Variants in SPEF2 observed in about 807,000 individuals in gnomAD.
SPEF2 encodes the protein sperm flagellar and cilia associated 2.
Under a neutral mutation model 224.6 loss-of-function variants are expected in SPEF2, and 187 were observed. The ratio of observed to expected loss-of-function variants is 0.83; its 90% CI spans 0.74 to 0.94. SPEF2 has a LOEUF of 0.94. Ranked by LOEUF, SPEF2 falls within the 40% of genes least tolerant of loss-of-function variation. The pLI, the probability that SPEF2 is intolerant of heterozygous loss-of-function variation, is 0.00. For synonymous variants in SPEF2, 715 were observed against 707.3 expected (o/e 1.01, Z -0.17); for missense variants, 2,170 against 2,135.6 (o/e 1.02, Z -0.32).
At chr5:35,687,547 G>A (rs1753816313) in intron 10 of SPEF2, among the ~76,000 whole-genome samples, 1 of 151,928 alleles carries the variant, frequency 6.6e-6, no homozygotes, top group Admixed American at 6.6e-5. Flanking sequence ...AGTAGAGACA[G>A]GGTTTCACCA....
intron 10 of SPEF2, among the ~76,000 whole-genome samples, chr5:35,677,296 T>C (rs938537202): frequency 1.3e-5 from 2 of 152,178 alleles, no homozygotes; most frequent in African/African-American, 4.8e-5. Flanking sequence ...GAAATTACTA[T>C]AAAAGTGATC....
intron 26 of SPEF2, among the ~76,000 whole-genome samples, chr5:35,765,151 T>TA (rs537835387): frequency 1.3e-5 from 2 of 152,190 alleles, no homozygotes; most frequent in Non-Finnish European, 2.9e-5. Context: ...CCCAAGTCTA[T>TA]AGCTCTAAAC....
At chr5:35,643,099 G>T (rs554915615) in intron 3 of SPEF2, among the ~76,000 whole-genome samples, 16 of 152,282 alleles carry the variant, frequency 1.1e-4, no homozygotes, top group Non-Finnish European at 1.9e-4. Flanking sequence ...AACTGGAGTG[G>T]AGTTTATATA....
At position 35,687,590 on chromosome 5, in the gene SPEF2, C is replaced by T. The variant is rs143382143; in HGVS notation, c.1525-3447C>T. On this transcript the variant is annotated intron_variant, in intron 10 of 36. Transcript: ENST00000356031. Reference sequence around the variant, plus strand: ...CAGGCTGGTTTCGAACTCCTGACCTCGTGATCTGCCCACCTCGGTCTCCCA... The same window carrying T: ...CAGGCTGGTTTCGAACTCCTGACCTTGTGATCTGCCCACCTCGGTCTCCCA... Among the ~76,000 whole-genome samples the T allele has an allele frequency of 4.7e-3, 709 of 152,160 alleles. 6 individuals carry two copies. Among genetic ancestry groups the T allele is most frequent in the Non-Finnish European group, 7.4e-3 (504 of 67,980 alleles).
At chr5:35,713,495 G>A (rs1378943701) in intron 20 of SPEF2, among the ~76,000 whole-genome samples, 1 of 151,602 alleles carries the variant, frequency 6.6e-6, no homozygotes, top group Non-Finnish European at 1.5e-5. Flanking sequence ...CATCAGTTTG[G>A]GAGGCTGAGG....
At chr5:35,671,240 C>A in intron 10 of SPEF2, 1 of 983,042 alleles carries the variant, frequency 1.0e-6, no homozygotes, top group Non-Finnish European at 1.2e-6. Flanking sequence ...TTACAATGAA[C>A]AAAGAAAAGT....
chr5:35,684,114 A>T (rs561204984), intron 10 of SPEF2: 1 of 152,162 alleles, frequency 6.6e-6, no homozygotes, highest in Non-Finnish European at 1.5e-5. Flanking sequence ...ATAAATATGT[A>T]AAGTAGAGAT....
chr5:35,639,344 T>C (rs1580075343), intron 2 of SPEF2, among the ~76,000 whole-genome samples: 3 of 152,286 alleles, frequency 2.0e-5, no homozygotes, highest in South Asian at 4.1e-4. Flanking sequence ...CCAGGGCACA[T>C]GGTCTTTTAA....
intron 35 of SPEF2, 74 bp downstream of exon 35, chr5:35,807,026 TC>T: frequency 1.3e-6 from 2 of 1,560,072 alleles, no homozygotes; most frequent in Non-Finnish European, 1.7e-6. Context: ...TCAAAATATA[TC>T]ATAGTATGAA....
chr5:35,652,476 C>T (rs541252836), intron 6 of SPEF2, among the ~76,000 whole-genome samples: 60 of 152,124 alleles, frequency 3.9e-4, no homozygotes, highest in Non-Finnish European at 7.5e-4. Context: ...TTTGGCCTTA[C>T]TGAGTGCTTG....
intron 19 of SPEF2, chr5:35,710,752 C>A: frequency 2.0e-6 from 2 of 985,296 alleles, no homozygotes; most frequent in South Asian, 4.7e-5. Flanking sequence ...CTGATCAGAC[C>A]AGCTCAGTCT....
At chr5:35,807,080 C>T in intron 35 of SPEF2, 51 bp from the exon 36 acceptor site, 1 of 1,575,196 alleles carries the variant, frequency 6.3e-7, no homozygotes, top group East Asian at 2.2e-5. Flanking sequence ...TTTTTTTTAA[C>T]ATCTACTGGA....
chr5:35,662,238 C>G (rs1749848945), intron 8 of SPEF2, among the ~76,000 whole-genome samples: 1 of 151,902 alleles, frequency 6.6e-6, no homozygotes, highest in African/African-American at 2.4e-5. Context: ...TGAAAAGTGT[C>G]TGTTCATGTC....
At chr5:35,713,633 G>A (rs1741670912) in intron 20 of SPEF2, among the ~76,000 whole-genome samples, 1 of 150,332 alleles carries the variant, frequency 6.7e-6, no homozygotes, top group African/African-American at 2.4e-5. Context: ...CTACTCAGGA[G>A]GCTGAGGCAG....
chr5:35,691,323 CTA>C (rs377034991), intron 11 of SPEF2, 67 bp downstream of exon 11: 1 of 1,241,108 alleles, frequency 8.1e-7, no homozygotes. Context: ...CTGCAAATGT[CTA>C]TGTGTATAAA....
chr5:35,695,098 A>G (rs1755105098), intron 13 of SPEF2, among the ~76,000 whole-genome samples: 1 of 152,154 alleles, frequency 6.6e-6, no homozygotes, highest in Non-Finnish European at 1.5e-5. Flanking sequence ...AACACTCCAG[A>G]GAGGTTGGAC....
chr5:35,725,506 C>A (rs956954863), intron 20 of SPEF2, among the ~76,000 whole-genome samples: 6 of 152,154 alleles, frequency 3.9e-5, no homozygotes, highest in Admixed American at 3.3e-4. Context: ...ACCTCCCAAT[C>A]CTTTCACCTC....
Position 35,793,210 on chromosome 5 carries a change from C to G in SPEF2, c.4606C>G (p.Arg1536Gly), listed in dbSNP as rs777398984. ...LTVNSEFVDW[R>G]KFLLVTSMPW... ...AGTCAACTCCGAGTTCGTGGACTGG[C>G]GGAAGTTCCTGTTAGTAACCTCAAT... Residue 1536 changes from arginine to glycine, a missense_variant, in exon 32 of 37, where the codon CGG becomes GGG. Physicochemically the swap from Arg to Gly is moderately radical, Grantham distance 125. Transcript: ENST00000356031. 1 of 1,614,148 alleles carries G rather than the reference C, an allele frequency of 6.2e-7. No individual in the cohort carries two copies. The highest frequency in any genetic ancestry group is 1.3e-5 in the African/African-American group (1 of 75,032).
Position 35,700,753 on chromosome 5 carries a change from G to A in SPEF2, c.2398+1G>A, listed in dbSNP as rs1158606873. ...ATGAGTCGCATGAATGATATTATAG[G>A]TAAGCTGGACACCTTTTTTGACACT... On this transcript the variant is annotated splice_donor_variant, in intron 16 of 36. Coordinates refer to ENST00000356031, the MANE Select transcript of SPEF2 (RefSeq NM_024867.4). LOFTEE classifies it high-confidence loss of function. 4 of 1,612,904 alleles carry A rather than the reference G, an allele frequency of 2.5e-6. No individual in the cohort carries two copies. The highest frequency in any genetic ancestry group is 3.4e-6 in the Non-Finnish European group (4 of 1,179,210).
Sources: gnomAD v4.1 joint callset for allele counts (sites outside exome capture counted in the v4.1 genomes callset) on GRCh38, gnomAD v4.1.1 for gene constraint, MANE v1.5 for transcripts, NCBI Gene and HGNC (gene_info 2026-07-23, HGNC 2026-07-21) for gene names.